Variants in NETO1 observed in about 807,000 individuals in gnomAD.
NETO1 encodes neuropilin and tolloid-like protein 1.
Under a neutral mutation model 61.3 loss-of-function variants are expected in NETO1, and 26 were observed. That is an observed-to-expected ratio of 0.42 (90% CI 0.31 to 0.59). The LOEUF (loss-of-function observed/expected upper bound fraction) is 0.59, where lower values mean the gene tolerates loss of function less well. Among genes scored for constraint, NETO1 ranks in the 20% least tolerant of loss-of-function variants. The probability of loss-of-function intolerance (pLI) is 0.12; values close to 1 mark genes in which losing one functional copy is unlikely to be tolerated. For missense variants in NETO1, 531 were observed against 662.8 expected (o/e 0.80, Z 2.18); for synonymous variants, 225 against 225.8 (o/e 1.00, Z 0.03).
chr18:72,821,752 T>G (rs1323702096), intron 4 of NETO1, among the ~76,000 whole-genome samples: 1 of 152,016 alleles, frequency 6.6e-6, no homozygotes, highest in Non-Finnish European at 1.5e-5. Flanking sequence ...ATAAAATTGG[T>G]AAAGGTCACA....
downstream of NETO1, chr18:72,742,854 T>A (rs1355513975): frequency 6.6e-6 from 1 of 152,170 alleles, no homozygotes; most frequent in Non-Finnish European, 1.5e-5. Flanking sequence ...TGTAAAACAC[T>A]CAAAATGGTG....
At chr18:72,813,078 G>T (rs535348285) in intron 4 of NETO1, among the ~76,000 whole-genome samples, 1 of 152,122 alleles carries the variant, frequency 6.6e-6, no homozygotes. Context: ...CACCACTTAC[G>T]TGAGCTGAAT....
intron 4 of NETO1, among the ~76,000 whole-genome samples, chr18:72,851,038 G>A (rs747614503): frequency 6.6e-6 from 1 of 152,130 alleles, no homozygotes; most frequent in Non-Finnish European, 1.5e-5. Context: ...TGAATAGAGG[G>A]ATGGAGTGGG....
At chr18:72,762,755 T>G (rs9636081) in intron 7 of NETO1, among the ~76,000 whole-genome samples, 45,182 of 152,036 alleles carry the variant, frequency 0.3, 7,884 homozygotes, top group South Asian at 0.41. Context: ...GTGAAGGAGC[T>G]TTTGACTCCC....
At position 72,822,766 on chromosome 18, in the gene NETO1, T is replaced by C. The variant is rs73471881; in HGVS notation, c.470-28362A>G. On this transcript the variant is annotated intron_variant, in intron 4 of 10. Coordinates refer to ENST00000327305, the MANE Select transcript of NETO1 (RefSeq NM_138966.5). The stretch of plus-strand genomic sequence containing the variant: ...AGACACTGTTCTGTAATCTTGTTTA[T>C]AAATTGTTAAGTTTGTACATATAAT... Among the ~76,000 whole-genome samples the C allele has an allele frequency of 4.3e-3, 654 of 152,330 alleles. 1 individual carries two copies. Among genetic ancestry groups the C allele is most frequent in the African/African-American group, 0.014 (591 of 41,572 alleles).
chr18:72,842,209 T>A (rs1180847435), intron 4 of NETO1, among the ~76,000 whole-genome samples: 1 of 152,184 alleles, frequency 6.6e-6, no homozygotes, highest in Non-Finnish European at 1.5e-5. Context: ...ATTACCTCAG[T>A]ATTTGAAACT....
chr18:72,867,199 G>A, intron 1 of NETO1, 65 bp downstream of exon 1: 1 of 1,294,170 alleles, frequency 7.7e-7, no homozygotes, highest in Non-Finnish European at 1.1e-6. Flanking sequence ...TGCGCGTTCG[G>A]CCCCGGGAAA....
At chr18:72,862,711 C>T (rs981086436) in intron 3 of NETO1, among the ~76,000 whole-genome samples, 1 of 144,836 alleles carries the variant, frequency 6.9e-6, no homozygotes, top group African/African-American at 2.8e-5. Flanking sequence ...AGCTCCGCCT[C>T]CCGGGTTCAC....
chr18:72,851,119 C>T (rs1446649402), intron 4 of NETO1, among the ~76,000 whole-genome samples: 1 of 152,058 alleles, frequency 6.6e-6, no homozygotes, highest in African/African-American at 2.4e-5. Context: ...CAGGAAAATT[C>T]GTGGGAGATC....
At chr18:72,829,052 T>C (rs2073486178) in intron 4 of NETO1, among the ~76,000 whole-genome samples, 1 of 152,034 alleles carries the variant, frequency 6.6e-6, no homozygotes, top group Non-Finnish European at 1.5e-5. Flanking sequence ...CCAAATGAAA[T>C]GGGAAAAAGG....
At chr18:72,787,002 T>C (rs1278793277) in intron 6 of NETO1, among the ~76,000 whole-genome samples, 1 of 150,528 alleles carries the variant, frequency 6.6e-6, no homozygotes, top group Non-Finnish European at 1.5e-5. Flanking sequence ...GTGGAAACCT[T>C]AAAAAGGATT....
chr18:72,816,051 ATCTC>A (rs146863083), intron 4 of NETO1, among the ~76,000 whole-genome samples: 81 of 144,594 alleles, frequency 5.6e-4, no homozygotes, highest in African/African-American at 1.8e-3. Flanking sequence ...ATTAGGATCG[ATCTC>A]TCTCTCTCTC....
intron 4 of NETO1, among the ~76,000 whole-genome samples, chr18:72,803,921 A>G (rs142149775): frequency 2.0e-5 from 3 of 152,252 alleles, no homozygotes; most frequent in Non-Finnish European, 2.9e-5. Flanking sequence ...ACAACACATC[A>G]TAACAGATTT....
intron 6 of NETO1, among the ~76,000 whole-genome samples, chr18:72,787,809 A>C (rs980038413): frequency 1.3e-5 from 2 of 152,206 alleles, no homozygotes; most frequent in Non-Finnish European, 2.9e-5. Flanking sequence ...GCCTTATGTA[A>C]TGCTTTTAAA....
intron 6 of NETO1, among the ~76,000 whole-genome samples, chr18:72,787,163 T>C (rs1326852104): frequency 6.0e-5 from 9 of 150,446 alleles, no homozygotes; most frequent in Admixed American, 5.9e-4. Flanking sequence ...TACAAACATG[T>C]TAAGTGGAAC....
chr18:72,756,379 AT>A (rs1033691757), intron 7 of NETO1, among the ~76,000 whole-genome samples: 5 of 152,118 alleles, frequency 3.3e-5, no homozygotes, highest in African/African-American at 1.2e-4. Context: ...GCCATAGGGT[AT>A]TTTCCATCAT....
chr18:72,796,363 G>T (rs531329316), intron 4 of NETO1, among the ~76,000 whole-genome samples: 67 of 152,290 alleles, frequency 4.4e-4, no homozygotes, highest in African/African-American at 1.5e-3. Flanking sequence ...GGCTTGGATT[G>T]CTACAATCTG....
At chr18:72,841,296 G>A (rs2073922172) in intron 4 of NETO1, among the ~76,000 whole-genome samples, 1 of 152,130 alleles carries the variant, frequency 6.6e-6, no homozygotes, top group Non-Finnish European at 1.5e-5. Flanking sequence ...TGGTTTCTGA[G>A]ACCAGTCTAT....
At chr18:72,770,713 A>G (rs763718564) in intron 7 of NETO1, among the ~76,000 whole-genome samples, 3 of 152,204 alleles carry the variant, frequency 2.0e-5, no homozygotes, top group Non-Finnish European at 4.4e-5. Context: ...TTTCTCCAGT[A>G]CATAACATTT....
Sources: allele counts gnomAD v4.1 joint callset (sites outside exome capture counted in the v4.1 genomes callset), GRCh38; gene constraint gnomAD v4.1.1; transcripts MANE v1.5; gene names NCBI Gene and HGNC (gene_info 2026-07-23, HGNC 2026-07-21).